The following CDH12 variants were observed in gnomAD, a reference collection of about 807,000 sequenced individuals.
CDH12 encodes cadherin 12.
CDH12 carries 41 observed loss-of-function variants against 74.1 expected under a neutral mutation model. That is an observed-to-expected ratio of 0.55 (90% CI 0.43 to 0.72). The LOEUF (loss-of-function observed/expected upper bound fraction) is 0.72. Ranked by LOEUF, CDH12 falls within the 30% of genes least tolerant of loss-of-function variation. CDH12 has a pLI of 0.00. For missense variants in CDH12, 945 were observed against 977.2 expected, an observed-to-expected ratio of 0.97 and a Z score of 0.44; for synonymous variants, 399 against 355.0, an observed-to-expected ratio of 1.12 and a Z score of -1.39.
intron 2 of CDH12, among the ~76,000 whole-genome samples, chr5:22,417,884 G>A (rs1228446008): frequency 1.3e-5 from 2 of 151,014 alleles, no homozygotes; most frequent in Non-Finnish European, 2.9e-5. Flanking sequence ...TTACCTTGCA[G>A]TTTGAATAGA....
intron 4 of CDH12, among the ~76,000 whole-genome samples, chr5:22,188,319 A>G (rs1420606865): frequency 6.6e-6 from 1 of 151,654 alleles, no homozygotes; most frequent in African/African-American, 2.4e-5. Context: ...GGCCTTCACC[A>G]TGTTGTGACA....
chr5:22,030,351 A>G (rs1738730441), intron 5 of CDH12, among the ~76,000 whole-genome samples: 1 of 152,184 alleles, frequency 6.6e-6, no homozygotes, highest in Admixed American at 6.5e-5. Context: ...GGACTGCAGA[A>G]TGAATGTTGT....
At chr5:21,839,340 A>G (rs1221235139) in intron 8 of CDH12, among the ~76,000 whole-genome samples, 1 of 152,180 alleles carries the variant, frequency 6.6e-6, no homozygotes, top group Non-Finnish European at 1.5e-5. Context: ...TTTGTCAGAT[A>G]CATTTATATG....
intron 4 of CDH12, among the ~76,000 whole-genome samples, chr5:22,136,748 C>T (rs1746486925): frequency 1.3e-5 from 2 of 150,160 alleles, no homozygotes; most frequent in Admixed American, 1.3e-4. Context: ...CCGACTTTAC[C>T]TGAGTATTGT....
chr5:22,271,581 A>G (rs1417320707), intron 3 of CDH12, among the ~76,000 whole-genome samples: 1 of 152,202 alleles, frequency 6.6e-6, no homozygotes, highest in Non-Finnish European at 1.5e-5. Flanking sequence ...AGATCCAACA[A>G]AGGAATCACT....
At chr5:21,845,547 A>G (rs1035440793) in intron 7 of CDH12, among the ~76,000 whole-genome samples, 1 of 137,924 alleles carries the variant, frequency 7.3e-6, no homozygotes, top group Non-Finnish European at 1.5e-5. Context: ...GGTTTCTTCC[A>G]CTTTAGTCTT....
chr5:21,893,346 A>G (rs1752977638), intron 6 of CDH12, among the ~76,000 whole-genome samples: 1 of 152,200 alleles, frequency 6.6e-6, no homozygotes, highest in Non-Finnish European at 1.5e-5. Flanking sequence ...AATTCAAGGG[A>G]GTGGCAGGAG....
chr5:21,851,069 C>A (rs190383233), intron 7 of CDH12, among the ~76,000 whole-genome samples: 27 of 151,024 alleles, frequency 1.8e-4, no homozygotes, highest in Admixed American at 1.5e-3. Flanking sequence ...AGGAAAAAAA[C>A]AATTTCATAG....
chr5:22,410,993 G>C (rs781573057), intron 2 of CDH12, among the ~76,000 whole-genome samples: 1 of 151,976 alleles, frequency 6.6e-6, no homozygotes, highest in Non-Finnish European at 1.5e-5. Flanking sequence ...ATATGGAAAA[G>C]ATGGAATTTA....
intron 2 of CDH12, among the ~76,000 whole-genome samples, chr5:22,452,263 A>G (rs1745073907): frequency 6.6e-6 from 1 of 151,992 alleles, no homozygotes; most frequent in Admixed American, 6.6e-5. Context: ...AAGGAACCAA[A>G]ACAACCTTGA....
intron 5 of CDH12, among the ~76,000 whole-genome samples, chr5:22,001,309 C>G (rs1309157455): frequency 1.4e-5 from 2 of 142,456 alleles, no homozygotes; most frequent in East Asian, 3.9e-4. Flanking sequence ...CCGTCCCCCT[C>G]CTCCTTATTA....
intron 6 of CDH12, among the ~76,000 whole-genome samples, chr5:21,859,533 C>T (rs149106305): frequency 0.027 from 4,137 of 151,952 alleles, 72 homozygotes; most frequent in South Asian, 0.045. Flanking sequence ...TCTCGCATAG[C>T]CAGGATTCAC....
intron 3 of CDH12, among the ~76,000 whole-genome samples, chr5:22,278,479 C>G (rs10941945): frequency 0.42 from 64,464 of 151,858 alleles, 14,631 homozygotes; most frequent in Admixed American, 0.53. Context: ...TGACAAGATA[C>G]AAATCACCTA....
At chr5:22,729,150 G>A (rs1014686008) in intron 1 of CDH12, among the ~76,000 whole-genome samples, 1 of 151,812 alleles carries the variant, frequency 6.6e-6, no homozygotes, top group Non-Finnish European at 1.5e-5. Context: ...GTTTCTGTGG[G>A]TCAGAAATCA....
rs1361991680 is a variant in CDH12, at chr5:22,212,587, C to T, written c.-276G>A. On this transcript the variant is annotated 5_prime_UTR_variant, in exon 4 of 15. Transcript: ENST00000382254. ...GGAGATCGAAGTTTTCAATCAACACCCTCCAAGTAGCTGCATCCTGTGCTC... is the reference window on the plus strand; with the variant it reads ...GGAGATCGAAGTTTTCAATCAACACTCTCCAAGTAGCTGCATCCTGTGCTC... The T allele has an allele frequency of 1.0e-6, 1 of 985,632 alleles. No homozygotes were observed. Among genetic ancestry groups the T allele is most frequent in the Non-Finnish European group, 1.2e-6 (1 of 829,824 alleles). 61.1% of individuals were successfully genotyped at this position (985,632 alleles called of 1,614,324 possible). A position where few individuals can be genotyped will look rare whatever the true frequency, so the allele number is the denominator to read the frequency against.
chr5:22,010,854 T>G (rs1292965186), intron 5 of CDH12, among the ~76,000 whole-genome samples: 8 of 152,160 alleles, frequency 5.3e-5, no homozygotes, highest in Non-Finnish European at 7.3e-5. Context: ...GAGATTTACA[T>G]CCTGTAATGC....
In CDH12 at chr5:21,756,016, A is replaced by G. The variant is rs537603925; in HGVS notation, c.1634-174T>C. On this transcript the variant is annotated intron_variant, in intron 13 of 14. Transcript: ENST00000382254. ...CCAAAATATAATCAAAATAATCCTT[A>G]GAGGAAAAACAAACATTAATCTTGT... Among the ~76,000 whole-genome samples, 11 of 152,320 alleles carry G rather than the reference A, an allele frequency of 7.2e-5. No individual in the cohort carries two copies. The South Asian group carries it at 2.3e-3, about 32-fold the overall frequency.
intron 2 of CDH12, among the ~76,000 whole-genome samples, chr5:22,417,651 GATAGAATAA>G (rs1190263794): frequency 6.6e-6 from 1 of 152,132 alleles, no homozygotes; most frequent in African/African-American, 2.4e-5. Flanking sequence ...CTTTTTTTAT[GATAGAATAA>G]ATAGAATAAA....
intron 4 of CDH12, among the ~76,000 whole-genome samples, chr5:22,105,375 G>A (rs1205419873): frequency 6.7e-6 from 1 of 149,040 alleles, no homozygotes; most frequent in Non-Finnish European, 1.5e-5. Flanking sequence ...TTACAGGCAT[G>A]AGCCACCAAG....
Sources: gnomAD v4.1 joint callset for allele counts (sites outside exome capture counted in the v4.1 genomes callset) on GRCh38, gnomAD v4.1.1 for gene constraint, MANE v1.5 for transcripts, NCBI Gene and HGNC (gene_info 2026-07-23, HGNC 2026-07-21) for gene names.